NTRK3: variants seen among roughly 807,000 people sequenced by gnomAD.
NTRK3 encodes the protein NT-3 growth factor receptor.
NTRK3 carries 24 observed loss-of-function variants against 91.7 expected under a neutral mutation model. The ratio of observed to expected loss-of-function variants is 0.26; its 90% CI spans 0.19 to 0.37. The LOEUF (loss-of-function observed/expected upper bound fraction) is 0.37, where lower values mean the gene tolerates loss of function less well. Ranked by LOEUF, NTRK3 falls within the 10% of genes least tolerant of loss-of-function variation. The probability of loss-of-function intolerance (pLI) is 1.00; values close to 1 mark genes in which losing one functional copy is unlikely to be tolerated. For synonymous variants in NTRK3, 483 were observed against 404.0 expected (o/e 1.20, Z -2.34); for missense variants, 880 against 1,068.9 (o/e 0.82, Z 2.46).
rs555501457 is a variant in NTRK3, at chr15:88,098,255, C to T, written c.1396+28016G>A. 3.1e-4 allele frequency among the ~76,000 whole-genome samples: 47 copies of T among 152,256 alleles called. No homozygotes were observed. In the South Asian group the frequency reaches 6.8e-3, roughly 22 times the overall value. On this transcript the variant is annotated intron_variant, in intron 13 of 18. Transcript: ENST00000394480. ...GATATCTTTTCTTAATTGGCAAAAACGAGCGAGTGGCCAAGGAAAAGGGAG... is the reference window on the plus strand; with the variant it reads ...GATATCTTTTCTTAATTGGCAAAAATGAGCGAGTGGCCAAGGAAAAGGGAG...
intron 3 of NTRK3, among the ~76,000 whole-genome samples, chr15:88,186,927 C>G (rs1329440700): frequency 6.6e-6 from 1 of 151,978 alleles, no homozygotes; most frequent in Non-Finnish European, 1.5e-5. Context: ...GGTTACTTCT[C>G]TGTCTGTGCC....
At chr15:87,984,473 C>T (rs982861997) in intron 14 of NTRK3, among the ~76,000 whole-genome samples, 3 of 152,198 alleles carry the variant, frequency 2.0e-5, no homozygotes, top group Non-Finnish European at 4.4e-5. Flanking sequence ...TCTTTCTTCT[C>T]ATGCCATCGG....
At chr15:87,869,277 G>C in exon 19 of NTRK3, 1 of 230,678 alleles carries the variant, frequency 4.3e-6, no homozygotes, top group Non-Finnish European at 8.6e-6. Context: ...AGAGTCAGTG[G>C]GGAGAGGAGG....
intron 13 of NTRK3, among the ~76,000 whole-genome samples, chr15:88,120,219 C>A (rs1332989764): frequency 6.6e-6 from 1 of 152,218 alleles, no homozygotes; most frequent in African/African-American, 2.4e-5. Flanking sequence ...CCCCTGAGAT[C>A]TTTTGGCAGG....
chr15:88,012,567 C>T (rs975267475), intron 14 of NTRK3, among the ~76,000 whole-genome samples: 2 of 152,176 alleles, frequency 1.3e-5, no homozygotes, highest in Non-Finnish European at 2.9e-5. Context: ...ATGTTCATAC[C>T]AAAACAACCA....
At chr15:87,924,804 A>G (rs916355071) in intron 17 of NTRK3, among the ~76,000 whole-genome samples, 13 of 152,160 alleles carry the variant, frequency 8.5e-5, no homozygotes, top group African/African-American at 3.1e-4. Flanking sequence ...AACAAGTGCC[A>G]GGTACTGTCA....
rs180685995 is a variant in NTRK3, at chr15:88,184,408, G to C, written c.249-109C>G. 4.3e-5 allele frequency: 46 copies of C among 1,066,124 alleles called. No homozygotes were observed. The Admixed American group carries it at 8.9e-4, about 21-fold the overall frequency. 66.0% of individuals were successfully genotyped at this position (1,066,124 alleles called of 1,614,324 possible). A position where few individuals can be genotyped will look rare whatever the true frequency, so the allele number is the denominator to read the frequency against. ...TCCCCGATGAGCTAATTGATTGCCA[G>C]GCCTTTTGCCAAGTCACCAAATAAA... is the stretch of plus-strand genomic sequence containing the variant. On this transcript the variant is annotated intron_variant, in intron 3 of 18. Coordinates refer to ENST00000394480, the Ensembl canonical transcript of NTRK3.
intron 13 of NTRK3, among the ~76,000 whole-genome samples, chr15:88,083,164 C>T (rs1423598330): frequency 6.6e-6 from 1 of 152,146 alleles, no homozygotes; most frequent in East Asian, 1.9e-4. Context: ...GTTACCAACC[C>T]TCCTCTCCAC....
intron 17 of NTRK3, among the ~76,000 whole-genome samples, chr15:87,913,754 AATAC>A (rs1567100494): frequency 6.6e-6 from 1 of 152,226 alleles, no homozygotes; most frequent in Non-Finnish European, 1.5e-5. Context: ...AAATGAAGAA[AATAC>A]AATTGGCCTC....
intron 3 of NTRK3, among the ~76,000 whole-genome samples, chr15:88,227,341 G>A (rs574134152): frequency 3.2e-4 from 49 of 152,274 alleles, no homozygotes; most frequent in African/African-American, 1.2e-3. Context: ...TTCATTTGTT[G>A]AAGTCCTAGC....
chr15:88,077,835 G>C (rs563472669), intron 13 of NTRK3, among the ~76,000 whole-genome samples: 85 of 152,254 alleles, frequency 5.6e-4, no homozygotes, highest in African/African-American at 1.8e-3. Context: ...TAACAGGTGG[G>C]TCTCCTTCCC....
At chr15:88,127,436 TA>T (rs1290829449) in intron 11 of NTRK3, among the ~76,000 whole-genome samples, 1 of 152,078 alleles carries the variant, frequency 6.6e-6, no homozygotes, top group Non-Finnish European at 1.5e-5. Context: ...TGGCTGGTGT[TA>T]CAGTTCAAGC....
At chr15:88,125,473 C>A (rs2053187358) in intron 13 of NTRK3, among the ~76,000 whole-genome samples, 1 of 151,780 alleles carries the variant, frequency 6.6e-6, no homozygotes, top group Non-Finnish European at 1.5e-5. Context: ...TATCATGCCT[C>A]CCTACCCACC....
At chr15:88,047,646 T>A (rs2080353657) in intron 13 of NTRK3, among the ~76,000 whole-genome samples, 1 of 152,150 alleles carries the variant, frequency 6.6e-6, no homozygotes, top group Non-Finnish European at 1.5e-5. Context: ...CTAACAATGG[T>A]TCAGGTAAGA....
intron 3 of NTRK3, among the ~76,000 whole-genome samples, chr15:88,193,920 G>A (rs2047610827): frequency 6.6e-6 from 1 of 152,068 alleles, no homozygotes; most frequent in African/African-American, 2.4e-5. Context: ...TAAAAGAATC[G>A]TCTACACCTG....
At chr15:88,246,034 C>G (rs566499024) in intron 3 of NTRK3, among the ~76,000 whole-genome samples, 51 of 152,342 alleles carry the variant, frequency 3.3e-4, no homozygotes, top group African/African-American at 1.2e-3. Context: ...GGTCAGGAAG[C>G]TGGGAGCAGA....
At chr15:88,077,721 A>C (rs1005683452) in intron 13 of NTRK3, among the ~76,000 whole-genome samples, 3 of 151,926 alleles carry the variant, frequency 2.0e-5, no homozygotes, top group Admixed American at 2.0e-4. Context: ...TGAGTGAAAC[A>C]CTCTAAAAAC....
chr15:88,015,355 G>A (rs1314994029), intron 14 of NTRK3, among the ~76,000 whole-genome samples: 1 of 152,110 alleles, frequency 6.6e-6, no homozygotes, highest in Non-Finnish European at 1.5e-5. Context: ...CACCCCGGGA[G>A]GGAGTCCTTC....
chr15:87,940,848 G>A (rs2142022446), intron 14 of NTRK3, 95 bp from the exon 15 acceptor site: 1 of 1,580,122 alleles, frequency 6.3e-7, no homozygotes, highest in Non-Finnish European at 8.7e-7. Context: ...TGGAGAACTT[G>A]GTTCTGAGCC....
Sources: gnomAD v4.1 joint callset for allele counts (sites outside exome capture counted in the v4.1 genomes callset) on GRCh38, gnomAD v4.1.1 for gene constraint, MANE v1.5 for transcripts, NCBI Gene and HGNC (gene_info 2026-07-23, HGNC 2026-07-21) for gene names.